CX3CR1: variants seen among roughly 807,000 people sequenced by gnomAD.
CX3CR1 encodes the protein C-X3-C motif chemokine receptor 1.
For synonymous variants in CX3CR1, 168 were observed against 178.5 expected (o/e 0.94, Z 0.47); for missense variants, 363 against 432.4 (o/e 0.84, Z 1.42).
At chr3:39,266,790 T>C (rs1462058972) in intron 1 of CX3CR1, 8 of 433,006 alleles carry the variant, frequency 1.8e-5, no homozygotes, top group African/African-American at 2.7e-5. Flanking sequence ...CTCTAGGCAT[T>C]TTTTTTTTTT....
At chr3:39,274,157 G>T (rs1340885007) in intron 1 of CX3CR1, among the ~76,000 whole-genome samples, 1 of 152,118 alleles carries the variant, frequency 6.6e-6, no homozygotes, top group Non-Finnish European at 1.5e-5. Context: ...AAGGTTCTCA[G>T]TCGGCTGCCA....
the CX3CR1 span, chr3:39,287,256 C>A: frequency 2.6e-5 from 4 of 152,180 alleles, no homozygotes; most frequent in Non-Finnish European, 5.9e-5. Context: ...CTATATAAAT[C>A]ACACTCACAG....
intron 1 of CX3CR1, among the ~76,000 whole-genome samples, chr3:39,268,416 C>T (rs2040731013): frequency 6.6e-6 from 1 of 152,146 alleles, no homozygotes; most frequent in Non-Finnish European, 1.5e-5. Context: ...TTATATGACT[C>T]AAGCTAATAT....
intron 1 of CX3CR1, among the ~76,000 whole-genome samples, chr3:39,274,930 T>C (rs529604654): frequency 1.3e-5 from 2 of 152,228 alleles, no homozygotes; most frequent in South Asian, 4.2e-4. Context: ...GGTGCCATCT[T>C]GGCTCACTGC....
At position 39,264,355 on chromosome 3, in the gene CX3CR1, T is replaced by G. The variant is rs1449217126; in HGVS notation, c.*1087A>C. On this transcript the variant is annotated 3_prime_UTR_variant, in exon 2 of 2. Coordinates refer to ENST00000399220, the MANE Select transcript of CX3CR1 (RefSeq NM_001337.4). The stretch of plus-strand genomic sequence containing the variant: ...GTTCCTCATGCTGGAAAGGATGATC[T>G]CTATGTGAAAGGTACCTTATCCCTC... 6.6e-6 allele frequency: 1 copy of G among 152,286 alleles called. No homozygotes were observed. The highest frequency in any genetic ancestry group is 2.4e-5 in the African/African-American group (1 of 41,460). 9.4% of individuals were successfully genotyped at this position (152,286 alleles called of 1,614,324 possible).
At position 39,266,536 on chromosome 3, in the gene CX3CR1, A is replaced by G. The variant is rs773120102; in HGVS notation, c.-9-18T>C. ...GTGAAGGCCTGGATCAGAAAGAAAAACAAGTAACTGTGTTAGTTATCAGAG... is the reference window on the plus strand; with the variant it reads ...GTGAAGGCCTGGATCAGAAAGAAAAGCAAGTAACTGTGTTAGTTATCAGAG... On this transcript the variant is annotated intron_variant, in intron 1 of 1. Transcript: ENST00000399220. The G allele has an allele frequency of 6.2e-7, 1 of 1,611,820 alleles. No homozygotes were observed. Among genetic ancestry groups the G allele is most frequent in the South Asian group, 1.1e-5 (1 of 91,030 alleles).
intron 1 of CX3CR1, among the ~76,000 whole-genome samples, chr3:39,275,154 G>A (rs1242624763): frequency 1.3e-5 from 2 of 152,150 alleles, no homozygotes; most frequent in Non-Finnish European, 2.9e-5. Flanking sequence ...GAGCCACCGT[G>A]CCCACCTAGA....
chr3:39,280,641 C>T (rs2040886250), upstream of CX3CR1, among the ~76,000 whole-genome samples: 1 of 151,556 alleles, frequency 6.6e-6, no homozygotes, highest in African/African-American at 2.5e-5. Flanking sequence ...CACCTCTCTG[C>T]CCCAAGGCAT....
upstream of CX3CR1, chr3:39,286,344 A>G (rs2040942772): frequency 6.6e-6 from 1 of 152,278 alleles, no homozygotes; most frequent in South Asian, 2.1e-4. Flanking sequence ...TGCAGTGGAT[A>G]CTGTTTAATA....
upstream of CX3CR1, among the ~76,000 whole-genome samples, chr3:39,283,796 TATA>T (rs1162596255): frequency 3.8e-3 from 31 of 8,116 alleles, 1 homozygote; most frequent in African/African-American, 0.028. Flanking sequence ...AAAAAAAAAT[TATA>T]TATATATATA....
At chr3:39,282,926 C>CT (rs2040916629), upstream of CX3CR1, among the ~76,000 whole-genome samples, 1 of 152,170 alleles carries the variant, frequency 6.6e-6, no homozygotes, top group Non-Finnish European at 1.5e-5. Flanking sequence ...GGGTCTGGCT[C>CT]TGTTATCCAG....
intron 1 of CX3CR1, 26 bp from the exon 2 acceptor site, chr3:39,266,544 CTG>C (rs2040703627): frequency 6.2e-7 from 1 of 1,610,160 alleles, no homozygotes; most frequent in African/African-American, 1.3e-5. Context: ...AAACAAGTAA[CTG>C]TGTTAGTTAT....
the CX3CR1 span, chr3:39,287,895 A>G: frequency 1.3e-5 from 2 of 152,254 alleles, no homozygotes; most frequent in Non-Finnish European, 2.9e-5. Context: ...GGATGGTGAC[A>G]TTTCACCAAA....
upstream of CX3CR1, among the ~76,000 whole-genome samples, chr3:39,283,579 A>C (rs1158286172): frequency 6.6e-6 from 1 of 151,550 alleles, no homozygotes; most frequent in Non-Finnish European, 1.5e-5. Context: ...CAGGGGTTCA[A>C]GACCAGCCTG....
the CX3CR1 span, chr3:39,287,605 AT>A: frequency 6.6e-6 from 1 of 152,202 alleles, no homozygotes; most frequent in African/African-American, 2.4e-5. Flanking sequence ...AATTTGGAAT[AT>A]CCTTGAAACT....
intron 1 of CX3CR1, among the ~76,000 whole-genome samples, chr3:39,274,285 C>T (rs1374275491): frequency 6.6e-6 from 1 of 152,066 alleles, no homozygotes; most frequent in African/African-American, 2.4e-5. Context: ...AGAGCTAAGG[C>T]TGATGGGGAG....
chr3:39,281,813 C>A, upstream of CX3CR1: 1 of 752,664 alleles, frequency 1.3e-6, no homozygotes. Flanking sequence ...TCTTCCCTTC[C>A]CAACTCACCT....
At chr3:39,276,788 A>C (rs2040845689) in intron 1 of CX3CR1, among the ~76,000 whole-genome samples, 1 of 152,250 alleles carries the variant, frequency 6.6e-6, no homozygotes, top group African/African-American at 2.4e-5. Context: ...TATGAAGATC[A>C]AAAATAGGCA....
upstream of CX3CR1, among the ~76,000 whole-genome samples, chr3:39,280,695 T>C (rs930599653): frequency 6.6e-6 from 1 of 152,158 alleles, no homozygotes; most frequent in Non-Finnish European, 1.5e-5. Flanking sequence ...AGGACACAGC[T>C]TTCACCCAGG....
Sources: allele counts gnomAD v4.1 joint callset (sites outside exome capture counted in the v4.1 genomes callset), GRCh38; gene constraint gnomAD v4.1.1; transcripts MANE v1.5; gene names NCBI Gene and HGNC (gene_info 2026-07-23, HGNC 2026-07-21).